Variants in DPYS observed in about 807,000 individuals in gnomAD.
DPYS encodes the protein dihydropyrimidine amidohydrolase.
DPYS carries 39 observed loss-of-function variants against 50.3 expected under a neutral mutation model. That is an observed-to-expected ratio of 0.78 (90% CI 0.60 to 1.01). DPYS has a LOEUF of 1.01. Among genes scored for constraint, DPYS ranks in the 50% least tolerant of loss-of-function variants. The pLI, the probability that DPYS is intolerant of heterozygous loss-of-function variation, is 0.00. For synonymous variants in DPYS, 245 were observed against 250.7 expected (o/e 0.98, Z 0.22); for missense variants, 659 against 680.9 (o/e 0.97, Z 0.36).
At chr8:104,402,970 C>T (rs143268657) in intron 7 of DPYS, among the ~76,000 whole-genome samples, 46 of 152,260 alleles carry the variant, frequency 3.0e-4, no homozygotes, top group Middle Eastern at 3.4e-3. Flanking sequence ...GAGAGCACAG[C>T]GTGAGGGACA....
intron 1 of DPYS, among the ~76,000 whole-genome samples, chr8:104,466,139 C>T (rs1165787539): frequency 1.3e-5 from 2 of 152,070 alleles, no homozygotes; most frequent in Admixed American, 1.3e-4. Flanking sequence ...ACATTACCTG[C>T]TACACTGCTC....
intron 1 of DPYS, among the ~76,000 whole-genome samples, chr8:104,451,922 C>T (rs1349618143): frequency 6.6e-6 from 1 of 152,202 alleles, no homozygotes; most frequent in Non-Finnish European, 1.5e-5. Flanking sequence ...CTTCTGTCCA[C>T]TGCTACCACC....
chr8:104,389,343 G>T (rs1415916430), intron 8 of DPYS, among the ~76,000 whole-genome samples: 1 of 152,188 alleles, frequency 6.6e-6, no homozygotes, highest in Non-Finnish European at 1.5e-5. Flanking sequence ...GAGTTTTTAT[G>T]ATTCTTTTTC....
Position 104,466,758 on chromosome 8 carries a change from C to T in DPYS, c.163G>A (p.Ala55Thr), listed in dbSNP as rs1308948619. Residue 55 changes from alanine (A) to threonine (T), a missense_variant, in exon 1 of 10, where the codon GCC becomes ACC. Physicochemically the swap from Ala to Thr is moderately conservative, Grantham distance 58. Transcript: ENST00000351513. ...APAGLRVLDA[A>T]GKLVLPGGID... ...CCTCCGGGCAGGACGAGCTTGCCGG[C>T]GGCGTCGAGGACCCGCAGCCCCGCA... The T allele has an allele frequency of 1.3e-6, 2 of 1,534,778 alleles. No individual in the cohort carries two copies. The highest frequency in any genetic ancestry group is 8.7e-7 in the Non-Finnish European group (1 of 1,145,792).
intron 7 of DPYS, among the ~76,000 whole-genome samples, chr8:104,403,546 G>A (rs554662109): frequency 2.6e-5 from 4 of 152,184 alleles, no homozygotes; most frequent in African/African-American, 4.8e-5. Flanking sequence ...ACAGGAAGGA[G>A]GGCTCTCAAT....
At chr8:104,426,543 G>A (rs1157028518) in intron 6 of DPYS, among the ~76,000 whole-genome samples, 2 of 152,190 alleles carry the variant, frequency 1.3e-5, no homozygotes, top group African/African-American at 4.8e-5. Flanking sequence ...AAGACTTGGT[G>A]AATAATTCAT....
rs142704767 is a variant in DPYS at position 104,460,955 on chromosome 8, G to A, written c.264+5702C>T. ...TTTTAAAGACAGTAAGAAGTGCTACGTTTTTCCTCTGAAATTGACATAGAT... is the reference window on the plus strand; with the variant it reads ...TTTTAAAGACAGTAAGAAGTGCTACATTTTTCCTCTGAAATTGACATAGAT... On this transcript the variant is annotated intron_variant, in intron 1 of 9. Transcript: ENST00000351513. Among the ~76,000 whole-genome samples the A allele has an allele frequency of 3.9e-5, 6 of 152,200 alleles. No homozygotes were observed. In the East Asian group the frequency reaches 7.7e-4, roughly 20 times the overall value.
intron 7 of DPYS, among the ~76,000 whole-genome samples, chr8:104,399,639 G>A (rs1811720852): frequency 6.6e-6 from 1 of 151,858 alleles, no homozygotes; most frequent in Non-Finnish European, 1.5e-5. Context: ...GGAGGCCGAG[G>A]TGGGTGGATC....
rs541934140 is a variant in DPYS, at chr8:104,467,024, A to G, written c.-104T>C. The G allele has an allele frequency of 2.6e-3, 3,403 of 1,298,494 alleles. 13 individuals are homozygous for G. Among genetic ancestry groups the G allele is most frequent in the Admixed American group, 5.7e-3 (143 of 24,932 alleles). 80.4% of individuals were successfully genotyped at this position (1,298,494 alleles called of 1,614,324 possible). A position where few individuals can be genotyped will look rare whatever the true frequency, so the allele number is the denominator to read the frequency against. On this transcript the variant is annotated 5_prime_UTR_variant, in exon 1 of 10. Transcript: ENST00000351513. ...GCCCTCCTGCAAGGTCCCCACCGAC[A>G]GCCCCCGAGCTCTGCCTCAGGCTGC...
chr8:104,408,380 G>A (rs988372855), intron 7 of DPYS, among the ~76,000 whole-genome samples: 14 of 152,176 alleles, frequency 9.2e-5, no homozygotes, highest in African/African-American at 3.1e-4. Context: ...TGAACAAAGG[G>A]CATGAATAGA....
chr8:104,447,297 T>A (rs1813566881), intron 3 of DPYS, 27 bp downstream of exon 3: 5 of 1,613,592 alleles, frequency 3.1e-6, no homozygotes, highest in Non-Finnish European at 4.2e-6. Context: ...GTCATTTCTG[T>A]AGAAGCTTTG....
At chr8:104,426,629 T>G (rs1812730797) in intron 6 of DPYS, among the ~76,000 whole-genome samples, 1 of 152,188 alleles carries the variant, frequency 6.6e-6, no homozygotes, top group Non-Finnish European at 1.5e-5. Context: ...ATAATTAATG[T>G]GTCATTTGAG....
chr8:104,404,429 G>C lies in DPYS; in HGVS notation c.1236-11438C>G, dbSNP rs548677910. 2.0e-5 allele frequency among the ~76,000 whole-genome samples: 3 copies of C among 152,322 alleles called. No individual in the cohort carries two copies. The South Asian group carries it at 6.2e-4, about 32-fold the overall frequency. On this transcript the variant is annotated intron_variant, in intron 7 of 9. Transcript: ENST00000351513. ...CTGCTCAAAACCATCAGTTGGTTTT[G>C]AATTGATGAAGCCACTTATGATCTA...
intron 1 of DPYS, among the ~76,000 whole-genome samples, chr8:104,455,531 TCC>T (rs1209574354): frequency 2.0e-5 from 3 of 152,140 alleles, no homozygotes; most frequent in African/African-American, 7.2e-5. Context: ...GTGGGGAACA[TCC>T]TGAGAGTGAG....
At chr8:104,415,376 T>C (rs939283390) in intron 7 of DPYS, among the ~76,000 whole-genome samples, 1 of 152,226 alleles carries the variant, frequency 6.6e-6, no homozygotes, top group African/African-American at 2.4e-5. Flanking sequence ...TGGGTTACTG[T>C]GATTCATTTC....
chr8:104,466,356 A>G (rs1460408835), intron 1 of DPYS, among the ~76,000 whole-genome samples: 1 of 152,204 alleles, frequency 6.6e-6, no homozygotes, highest in Non-Finnish European at 1.5e-5. Flanking sequence ...TAAGCGGTAT[A>G]GAGAAATTAG....
chr8:104,418,905 C>T, intron 7 of DPYS: 1 of 535,372 alleles, frequency 1.9e-6, no homozygotes, highest in South Asian at 8.2e-5. Flanking sequence ...CAGGGTGTGG[C>T]TGTTGTATAA....
intron 4 of DPYS, among the ~76,000 whole-genome samples, chr8:104,438,737 CAG>C (rs767699894): frequency 1.3e-4 from 20 of 150,234 alleles, no homozygotes; most frequent in South Asian, 2.1e-4. Context: ...CTGGAGGAGG[CAG>C]AGAGAGAGAG....
chr8:104,442,568 C>T (rs1353563796), intron 4 of DPYS, among the ~76,000 whole-genome samples: 3 of 151,940 alleles, frequency 2.0e-5, no homozygotes, highest in Non-Finnish European at 2.9e-5. Flanking sequence ...TTTTAAGGGG[C>T]GAAATTCTTT....
Sources: gnomAD v4.1 joint callset for allele counts (sites outside exome capture counted in the v4.1 genomes callset) on GRCh38, gnomAD v4.1.1 for gene constraint, MANE v1.5 for transcripts, NCBI Gene and HGNC (gene_info 2026-07-23, HGNC 2026-07-21) for gene names.